SAP130: variants seen among roughly 807,000 people sequenced by gnomAD.
The protein encoded by SAP130 is histone deacetylase complex subunit SAP130.
In SAP130, 16 loss-of-function variants were observed where a neutral mutation model predicts 103.2. The ratio of observed to expected loss-of-function variants is 0.16; its 90% CI spans 0.10 to 0.24. The LOEUF is 0.24. Ranked by LOEUF, SAP130 falls within the 10% of genes least tolerant of loss-of-function variation. The pLI is 1.00. For missense variants in SAP130, 990 were observed against 1,359.7 expected, an observed-to-expected ratio of 0.73 and a Z score of 4.28; for synonymous variants, 477 against 497.0, an observed-to-expected ratio of 0.96 and a Z score of 0.53.
chr2:127,961,424 A>G (rs1222953556), intron 15 of SAP130, among the ~76,000 whole-genome samples: 8 of 151,632 alleles, frequency 5.3e-5, no homozygotes, highest in Non-Finnish European at 1.2e-4. Context: ...CTGAGATTAC[A>G]AGTGTGAGCC....
intron 15 of SAP130, among the ~76,000 whole-genome samples, chr2:127,956,007 G>A (rs983199254): frequency 9.2e-5 from 14 of 151,948 alleles, no homozygotes; most frequent in Admixed American, 8.5e-4. Flanking sequence ...TAATATATAT[G>A]TTGTCTTTGG....
chr2:128,026,516 T>C (rs1014625218), intron 1 of SAP130, among the ~76,000 whole-genome samples: 19 of 152,370 alleles, frequency 1.2e-4, no homozygotes, highest in Middle Eastern at 3.4e-3. Context: ...TGGCGGGTAC[T>C]ATGACCCTCC....
intron 10 of SAP130, among the ~76,000 whole-genome samples, chr2:127,997,557 T>C (rs1175265302): frequency 6.6e-6 from 1 of 152,166 alleles, no homozygotes; most frequent in South Asian, 2.1e-4. Flanking sequence ...GGAATGCCCA[T>C]CTGACCACTG....
intron 3 of SAP130, 134 bp from the exon 4 acceptor site, chr2:128,016,681 A>C: frequency 1.1e-6 from 1 of 915,730 alleles, no homozygotes; most frequent in Non-Finnish European, 1.6e-6. Context: ...CATTTTATCT[A>C]TTATCATCAC....
intron 16 of SAP130, among the ~76,000 whole-genome samples, chr2:127,954,236 T>TA (rs1233224848): frequency 6.6e-6 from 1 of 152,010 alleles, no homozygotes; most frequent in Non-Finnish European, 1.5e-5. Context: ...AACAGTAGAT[T>TA]AAAAAAACTA....
intron 15 of SAP130, among the ~76,000 whole-genome samples, chr2:127,957,057 T>C (rs556620178): frequency 2.0e-4 from 30 of 152,232 alleles, no homozygotes; most frequent in Admixed American, 1.0e-3. Flanking sequence ...TCCCAGCAGT[T>C]TGGGAAGCTG....
intron 2 of SAP130, among the ~76,000 whole-genome samples, chr2:128,021,330 C>T (rs534530174): frequency 1.3e-4 from 20 of 151,782 alleles, no homozygotes; most frequent in Non-Finnish European, 1.5e-4. Context: ...GCCTATAGTC[C>T]CAGCTACTTG....
At chr2:128,025,858 T>C (rs1484083592) in intron 2 of SAP130, among the ~76,000 whole-genome samples, 2 of 152,214 alleles carry the variant, frequency 1.3e-5, no homozygotes, top group African/African-American at 2.4e-5. Flanking sequence ...ACAAGATCTG[T>C]TCCTTAAACA....
At chr2:127,958,183 A>G (rs1679975983) in intron 15 of SAP130, among the ~76,000 whole-genome samples, 1 of 152,198 alleles carries the variant, frequency 6.6e-6, no homozygotes, top group Non-Finnish European at 1.5e-5. Flanking sequence ...GGGAGGCCAA[A>G]GCAGGAGGAT....
chr2:127,995,533 TAAGAGA>T (rs1302667993), intron 11 of SAP130, among the ~76,000 whole-genome samples: 1 of 152,190 alleles, frequency 6.6e-6, no homozygotes, highest in African/African-American at 2.4e-5. Context: ...TGGGGGTGGA[TAAGAGA>T]AAGTTTCTTT....
chr2:128,000,114 A>G lies in SAP130; in HGVS notation c.1050T>C (p.Ala350=), dbSNP rs1573790054. The G allele has an allele frequency of 1.2e-6, 2 of 1,614,232 alleles. No individual in the cohort carries two copies. Among genetic ancestry groups the G allele is most frequent in the Non-Finnish European group, 1.7e-6 (2 of 1,180,040 alleles). Residue 350 remains alanine (A), a synonymous_variant, in exon 9 of 21, where the codon GCT becomes GCC. Coordinates refer to ENST00000643581, the MANE Select transcript of SAP130 (RefSeq NM_001330301.2). ...CCAAAATAGGTGCTACTGTGGCTGC[A>G]GCCACTGGCGTGCCAGTACTGAAGA... ...KTIFSTGTPV[A]AATVAPILAT...
rs191204979 is a variant in SAP130 at position 127,955,547 on chromosome 2, C to T, written c.2064-203G>A. Among the ~76,000 whole-genome samples, 74 of 152,148 alleles carry T rather than the reference C, an allele frequency of 4.9e-4. 2 individuals carry two copies. In the East Asian group the frequency reaches 0.013, roughly 27 times the overall value. ...TGTTACCCATGCTGGAGTGAAGTGG[C>T]GTGATCTTGGCTCACCGCAACCTCT... On this transcript the variant is annotated intron_variant, in intron 15 of 20. Coordinates refer to ENST00000643581, the MANE Select transcript of SAP130 (RefSeq NM_001330301.2). This position sits in a 1 kb window ranked among gnomAD's most constrained non-coding sequence, Gnocchi z 4.9.
intron 15 of SAP130, among the ~76,000 whole-genome samples, chr2:127,959,207 C>A (rs1246054333): frequency 6.6e-6 from 1 of 152,084 alleles, no homozygotes; most frequent in Non-Finnish European, 1.5e-5. Flanking sequence ...TTGCTTTTTT[C>A]CTTGTGTGTC....
chr2:127,944,482 T>C (rs1446034566), intron 19 of SAP130, among the ~76,000 whole-genome samples: 1 of 151,904 alleles, frequency 6.6e-6, no homozygotes, highest in Non-Finnish European at 1.5e-5. Flanking sequence ...CAGGCTTGAG[T>C]GCAGTGGCAT....
intron 15 of SAP130, among the ~76,000 whole-genome samples, chr2:127,968,299 C>T (rs1404902471): frequency 1.3e-5 from 2 of 151,580 alleles, no homozygotes; most frequent in Non-Finnish European, 2.9e-5. Flanking sequence ...TTAGTAGAGA[C>T]AGGGTTTCAT....
chr2:128,003,221 T>C (rs931530990), intron 7 of SAP130, among the ~76,000 whole-genome samples: 4 of 151,450 alleles, frequency 2.6e-5, no homozygotes, highest in African/African-American at 9.7e-5. Flanking sequence ...TTAAAATATT[T>C]TGAGGCTGGG....
intron 4 of SAP130, among the ~76,000 whole-genome samples, chr2:128,015,419 G>T (rs909055503): frequency 3.3e-5 from 5 of 152,074 alleles, no homozygotes; most frequent in Non-Finnish European, 7.3e-5. Context: ...GGGCTTCTCA[G>T]CTAAGGGTTC....
chr2:128,010,175 T>C, intron 7 of SAP130, 94 bp downstream of exon 7: 1 of 1,329,410 alleles, frequency 7.5e-7, no homozygotes. Flanking sequence ...AAAAAGCCAC[T>C]CAATAAATAT....
At chr2:127,954,309 C>T (rs1471919137) in intron 16 of SAP130, among the ~76,000 whole-genome samples, 1 of 152,176 alleles carries the variant, frequency 6.6e-6, no homozygotes, top group Non-Finnish European at 1.5e-5. Context: ...GAGGACTTCT[C>T]ACTGAAATAG....
Sources: allele counts gnomAD v4.1 joint callset (sites outside exome capture counted in the v4.1 genomes callset), GRCh38; gene constraint gnomAD v4.1.1; non-coding constraint Gnocchi (gnomAD v3.1); transcripts MANE v1.5; gene names NCBI Gene and HGNC (gene_info 2026-07-23, HGNC 2026-07-21).